Variants in PRMT7 observed in about 807,000 individuals in gnomAD.
PRMT7 encodes protein arginine methyltransferase 7.
PRMT7 carries 75 observed loss-of-function variants against 85.4 expected under a neutral mutation model. That is an observed-to-expected ratio of 0.88 (90% CI 0.73 to 1.06). The LOEUF is 1.06. PRMT7 is among the 50% of genes least tolerant of loss of function. PRMT7 has a pLI of 0.00. For synonymous variants in PRMT7, 397 were observed against 359.5 expected, an observed-to-expected ratio of 1.10 and a Z score of -1.18; for missense variants, 868 against 915.2, an observed-to-expected ratio of 0.95 and a Z score of 0.67.
intron 14 of PRMT7, among the ~76,000 whole-genome samples, chr16:68,350,628 C>T (rs1000697778): frequency 1.3e-5 from 2 of 152,206 alleles, no homozygotes. Flanking sequence ...ACATACCTTA[C>T]GATTCACTCA....
intron 16 of PRMT7, 102 bp from the exon 17 acceptor site, chr16:68,355,621 C>CA: frequency 8.1e-7 from 1 of 1,234,740 alleles, no homozygotes; most frequent in Non-Finnish European, 1.1e-6. Context: ...GGAGAACGCA[C>CA]ACCCCTTGTG....
At chr16:68,319,306 G>C (rs908621782) in intron 3 of PRMT7, among the ~76,000 whole-genome samples, 1 of 152,166 alleles carries the variant, frequency 6.6e-6, no homozygotes, top group East Asian at 1.9e-4. Flanking sequence ...AGGAGGCAAA[G>C]AAGGGCAAGG....
At chr16:68,336,621 T>G (rs1161630658) in intron 6 of PRMT7, among the ~76,000 whole-genome samples, 2 of 152,246 alleles carry the variant, frequency 1.3e-5, no homozygotes, top group African/African-American at 4.8e-5. Context: ...ATAGTTTAAT[T>G]GTTAATTTAT....
intron 6 of PRMT7, among the ~76,000 whole-genome samples, chr16:68,330,854 G>T (rs1249930415): frequency 6.6e-6 from 1 of 152,038 alleles, no homozygotes; most frequent in Non-Finnish European, 1.5e-5. Flanking sequence ...CTCGGCCTCC[G>T]AAAGTGCTGG....
intron 5 of PRMT7, among the ~76,000 whole-genome samples, chr16:68,326,694 G>A (rs757538854): frequency 1.4e-4 from 21 of 152,154 alleles, no homozygotes; most frequent in Non-Finnish European, 2.5e-4. Context: ...TCAGACAAGT[G>A]CACCACTGCA....
chr16:68,314,575 T>G (rs1472452332), intron 2 of PRMT7, among the ~76,000 whole-genome samples: 1 of 152,238 alleles, frequency 6.6e-6, no homozygotes, highest in Non-Finnish European at 1.5e-5. Context: ...TTACTTACTC[T>G]AGATAACTTC....
intron 14 of PRMT7, among the ~76,000 whole-genome samples, chr16:68,350,145 C>G (rs2087075542): frequency 6.6e-6 from 1 of 152,208 alleles, no homozygotes; most frequent in Non-Finnish European, 1.5e-5. Context: ...GTGTAGCATT[C>G]CACGGTGTGG....
intron 4 of PRMT7, chr16:68,322,493 C>T (rs989503464): frequency 5.8e-5 from 24 of 414,192 alleles, no homozygotes; most frequent in Middle Eastern, 7.5e-4. Flanking sequence ...CTACTGCGCC[C>T]GGCCATCGTG....
chr16:68,355,521 C>T (rs2088238394), intron 16 of PRMT7: 3 of 473,494 alleles, frequency 6.3e-6, no homozygotes, highest in Non-Finnish European at 1.1e-5. Flanking sequence ...GAGCGAGGCT[C>T]AGAGCCAGCG....
At chr16:68,355,663 G>T in intron 16 of PRMT7, 60 bp from the exon 17 acceptor site, 1 of 1,423,514 alleles carries the variant, frequency 7.0e-7, no homozygotes, top group Non-Finnish European at 9.3e-7. Flanking sequence ...GCCGGGGAGC[G>T]GTACCTCTGT....
At chr16:68,331,469 C>CT (rs57038859) in intron 6 of PRMT7, among the ~76,000 whole-genome samples, 7,000 of 114,480 alleles carry the variant, frequency 0.061, 244 homozygotes, top group Middle Eastern at 0.14. Flanking sequence ...CTTTGTTGTT[C>CT]TTTTTTTTTT....
intron 4 of PRMT7, 166 bp from the exon 5 acceptor site, chr16:68,324,517 C>A: frequency 1.4e-6 from 1 of 714,926 alleles, no homozygotes; most frequent in Non-Finnish European, 2.3e-6. Flanking sequence ...AAGGGGCTGA[C>A]TCACAAGACC....
chr16:68,349,096 T>C, intron 14 of PRMT7, among the ~76,000 whole-genome samples: 1 of 152,298 alleles, frequency 6.6e-6, no homozygotes, highest in East Asian at 1.9e-4. Flanking sequence ...TTCCGGGCCC[T>C]GAAACTGCTT....
chr16:68,326,367 T>C (rs1283780603), intron 5 of PRMT7, among the ~76,000 whole-genome samples: 3 of 152,078 alleles, frequency 2.0e-5, no homozygotes, highest in Non-Finnish European at 4.4e-5. Flanking sequence ...TTTCTCAGCC[T>C]CCCAAATAGC....
chr16:68,350,107 A>G (rs4783554), intron 14 of PRMT7, among the ~76,000 whole-genome samples: 118,834 of 152,178 alleles, frequency 0.78, 47,277 homozygotes, highest in African/African-American at 0.94. Flanking sequence ...TGTCTTTGAG[A>G]TTCACCCATT....
In PRMT7 at chr16:68,356,704, C is replaced by T. The variant is rs373518587; in HGVS notation, c.1815C>T (p.Pro605=). ...CAEGTVELRR[P]GQSHAAVLWM... ...TGGGCCCCCCTCTCCTTGACAGGCCCGGGCAGAGCCACGCAGCGGTGCTAT... is the reference window on the plus strand; with the variant it reads ...TGGGCCCCCCTCTCCTTGACAGGCCTGGGCAGAGCCACGCAGCGGTGCTAT... The change falls in exon 18 of 19, where the codon CCC becomes CCT. Residue 605 remains proline, a synonymous_variant. Coordinates refer to ENST00000441236, the MANE Select transcript of PRMT7 (RefSeq NM_019023.5). The T allele has an allele frequency of 4.9e-4, 784 of 1,611,608 alleles. 3 individuals carry two copies. The highest frequency in any genetic ancestry group is 3.9e-3 in the Middle Eastern group (22 of 5,590).
intron 9 of PRMT7, among the ~76,000 whole-genome samples, chr16:68,341,551 G>C (rs370052264): frequency 6.6e-6 from 1 of 152,036 alleles, no homozygotes; most frequent in Non-Finnish European, 1.5e-5. Flanking sequence ...CTGGGATTAC[G>C]GGCATGCGCC....
In PRMT7 at chr16:68,357,541, C is replaced by A. The variant is rs2088815429; in HGVS notation, c.*317C>A. On this transcript the variant is annotated 3_prime_UTR_variant, in exon 19 of 19. Transcript: ENST00000441236. ...CCCAGCTGGGAAGGGAGTGGAAGCACAGGGAGCTTGTGGGGCTGGCCGGTG... is the reference window on the plus strand; with the variant it reads ...CCCAGCTGGGAAGGGAGTGGAAGCAAAGGGAGCTTGTGGGGCTGGCCGGTG... 3.6e-6 allele frequency: 1 copy of A among 280,862 alleles called. No individual in the cohort carries two copies. The highest frequency in any genetic ancestry group is 7.5e-5 in the East Asian group (1 of 13,384). 17.4% of individuals were successfully genotyped at this position (280,862 alleles called of 1,614,324 possible).
chr16:68,316,194 GT>G, intron 3 of PRMT7, 120 bp downstream of exon 3: 1 of 868,650 alleles, frequency 1.2e-6, no homozygotes, highest in Non-Finnish European at 1.9e-6. Flanking sequence ...ATGAGGGCTG[GT>G]GTTGGTCCTG....
Sources: gnomAD v4.1 joint callset for allele counts (sites outside exome capture counted in the v4.1 genomes callset) on GRCh38, gnomAD v4.1.1 for gene constraint, MANE v1.5 for transcripts, NCBI Gene and HGNC (gene_info 2026-07-23, HGNC 2026-07-21) for gene names.